FGGY: variants seen among roughly 807,000 people sequenced by gnomAD.
FGGY encodes the protein FGGY carbohydrate kinase domain-containing protein.
In FGGY, 72 loss-of-function variants were observed where a neutral mutation model predicts 71.3. The ratio of observed to expected loss-of-function variants is 1.01; its 90% CI spans 0.84 to 1.23. The LOEUF (loss-of-function observed/expected upper bound fraction) is 1.23. Among genes scored for constraint, FGGY ranks in the 50% most tolerant of loss-of-function variants. The pLI is 0.00. For missense variants in FGGY, 668 were observed against 682.3 expected (o/e 0.98, Z 0.23); for synonymous variants, 251 against 250.3 (o/e 1.00, Z -0.02).
At chr1:59,698,479 C>A (rs936634779) in intron 14 of FGGY, among the ~76,000 whole-genome samples, 10 of 152,048 alleles carry the variant, frequency 6.6e-5, no homozygotes, top group Admixed American at 1.3e-4. Context: ...TTCTATAATG[C>A]TCTGGGAATC....
intron 11 of FGGY, among the ~76,000 whole-genome samples, chr1:59,648,683 C>T (rs1265622434): frequency 3.3e-5 from 5 of 150,512 alleles, no homozygotes; most frequent in Non-Finnish European, 2.9e-5. Flanking sequence ...CGAAAATTTT[C>T]ACCCATTTTG....
At chr1:59,508,004 A>G (rs138406680) in intron 6 of FGGY, among the ~76,000 whole-genome samples, 17 of 152,084 alleles carry the variant, frequency 1.1e-4, no homozygotes, top group African/African-American at 3.6e-4. Flanking sequence ...CCTCAAACAC[A>G]CCATGCCCCT....
At chr1:59,503,102 T>G (rs1015705866) in intron 6 of FGGY, among the ~76,000 whole-genome samples, 2 of 152,206 alleles carry the variant, frequency 1.3e-5, no homozygotes, top group Admixed American at 1.3e-4. Context: ...CCATGTCCCA[T>G]TACATAGTGA....
chr1:59,669,796 C>T (rs2097361119), intron 13 of FGGY, among the ~76,000 whole-genome samples: 1 of 152,120 alleles, frequency 6.6e-6, no homozygotes, highest in African/African-American at 2.4e-5. Flanking sequence ...AAATGGGAAA[C>T]AGGGCCTCCC....
At chr1:59,405,147 A>C (rs1188449671) in intron 5 of FGGY, among the ~76,000 whole-genome samples, 1 of 152,228 alleles carries the variant, frequency 6.6e-6, no homozygotes, top group Non-Finnish European at 1.5e-5. Flanking sequence ...TCTTTATTAC[A>C]TGCCTTAAAC....
intron 14 of FGGY, among the ~76,000 whole-genome samples, chr1:59,731,230 G>A (rs2098024062): frequency 1.3e-5 from 2 of 152,196 alleles, no homozygotes; most frequent in Non-Finnish European, 2.9e-5. Context: ...CTTTGCAAAT[G>A]CCCACAAACC....
rs1271058830 is a variant in FGGY at position 59,409,594 on chromosome 1, TTTTTTATATATA to T, written c.554+30759_554+30770del. ...TTATTGCAAGCCTGTGAAGGAAGAGTTTTTTATATATATATATATATATATATATAAACAGAC... is the reference window on the plus strand; with the variant it reads ...TTATTGCAAGCCTGTGAAGGAAGAGTTATATATATATATATATAAACAGAC... On this transcript the variant is annotated intron_variant, in intron 5 of 15. Coordinates refer to ENST00000303721, the MANE Select transcript of FGGY (RefSeq NM_018291.5). Among the ~76,000 whole-genome samples the T allele has an allele frequency of 2.3e-4, 30 of 132,162 alleles. 2 individuals are homozygous for T. Among genetic ancestry groups the T allele is most frequent in the African/African-American group, 1.0e-3 (30 of 28,848 alleles). The allele number at this position is 132,162 out of a possible 152,430, so 86.7% of individuals were successfully genotyped here. A position where few individuals can be genotyped will look rare whatever the true frequency, so the allele number is the denominator to read the frequency against.
chr1:59,321,754 T>G lies in FGGY; in HGVS notation c.201+4T>G, dbSNP rs1168675642. On this transcript the variant is annotated splice_donor_region_variant and intron_variant, in intron 2 of 15. Coordinates refer to ENST00000303721, the MANE Select transcript of FGGY (RefSeq NM_018291.5). ...TGCGTGCTGTGTTGTCACAAAGGTA[T>G]GGGCAAAACTGGTGTTCTCTCCTTG... The G allele has an allele frequency of 2.5e-6, 4 of 1,607,290 alleles. No homozygotes were observed. Among genetic ancestry groups the G allele is most frequent in the Non-Finnish European group, 3.4e-6 (4 of 1,177,290 alleles).
chr1:59,670,764 T>G (rs1456329252), intron 13 of FGGY, among the ~76,000 whole-genome samples: 3 of 152,162 alleles, frequency 2.0e-5, no homozygotes, highest in Non-Finnish European at 4.4e-5. Flanking sequence ...TTTGCCATGT[T>G]GAGAACAGCC....
intron 8 of FGGY, among the ~76,000 whole-genome samples, chr1:59,561,652 A>G (rs2095795220): frequency 6.6e-6 from 1 of 152,192 alleles, no homozygotes; most frequent in African/African-American, 2.4e-5. Context: ...AAAACTTTGT[A>G]TCATGTAAAT....
chr1:59,457,000 A>T lies in FGGY; in HGVS notation c.594A>T (p.Ala198=). The T allele has an allele frequency of 6.2e-7, 1 of 1,614,142 alleles. No homozygotes were observed. The highest frequency in any genetic ancestry group is 1.3e-5 in the African/African-American group (1 of 75,050). The stretch of plus-strand genomic sequence containing the variant: ...TGGTGTGTAAGTGGACATATTCAGC[A>T]GAGAAAGGCTGGGACGACAGTTTCT... The part of the protein sequence containing the change: ...CSLVCKWTYS[A]EKGWDDSFWK... Residue 198 remains alanine, a synonymous_variant, in exon 6 of 16, where the codon GCA becomes GCT. Coordinates refer to ENST00000303721, the MANE Select transcript of FGGY (RefSeq NM_018291.5).
At chr1:59,658,865 T>C (rs186360512) in intron 11 of FGGY, among the ~76,000 whole-genome samples, 1 of 152,230 alleles carries the variant, frequency 6.6e-6, no homozygotes, top group East Asian at 1.9e-4. Flanking sequence ...AAAAGAGATT[T>C]GGGAGATCAA....
At position 59,626,068 on chromosome 1, in the gene FGGY, C is replaced by A; in HGVS notation, c.1073+19C>A. 3 of 1,608,802 alleles carry A rather than the reference C, an allele frequency of 1.9e-6. No homozygotes were observed. The highest frequency in any genetic ancestry group is 2.7e-5 in the African/African-American group (2 of 74,810). ...CAGCCAGGTAACTGCTGTCTCTGTT[C>A]CCTCTAAAATTTTCCTTGTGTGACT... On this transcript the variant is annotated intron_variant, in intron 10 of 15. Coordinates refer to ENST00000303721, the MANE Select transcript of FGGY (RefSeq NM_018291.5).
chr1:59,687,987 A>T (rs930828315), intron 14 of FGGY, among the ~76,000 whole-genome samples: 3 of 152,226 alleles, frequency 2.0e-5, no homozygotes, highest in Non-Finnish European at 4.4e-5. Context: ...ATGGCTGGTT[A>T]TCATGGAGAG....
At chr1:59,683,714 G>C (rs906518477) in intron 14 of FGGY, among the ~76,000 whole-genome samples, 5 of 152,070 alleles carry the variant, frequency 3.3e-5, no homozygotes, top group Admixed American at 1.3e-4. Flanking sequence ...AACAAGAGAA[G>C]GAAATAAAAT....
chr1:59,721,601 G>C (rs184061864), intron 14 of FGGY, among the ~76,000 whole-genome samples: 1 of 152,008 alleles, frequency 6.6e-6, no homozygotes, highest in East Asian at 1.9e-4. Flanking sequence ...GCTTCCCAAA[G>C]TGCTGGGATT....
chr1:59,673,748 G>T (rs960192735), intron 13 of FGGY: 9 of 332,510 alleles, frequency 2.7e-5, no homozygotes, highest in African/African-American at 4.1e-5. Flanking sequence ...GAATCAAATG[G>T]CAGGTAGCAG....
At chr1:59,543,277 A>G (rs1021479366) in intron 7 of FGGY, among the ~76,000 whole-genome samples, 4 of 152,078 alleles carry the variant, frequency 2.6e-5, no homozygotes, top group African/African-American at 9.7e-5. Context: ...TAATTCTCTG[A>G]GCCCTCTGGC....
intron 12 of FGGY, among the ~76,000 whole-genome samples, chr1:59,666,147 C>T (rs2097323627): frequency 6.6e-6 from 1 of 152,192 alleles, no homozygotes; most frequent in Non-Finnish European, 1.5e-5. Context: ...TCTGTGGAGA[C>T]ACATTGTCCT....
Sources: gnomAD v4.1 joint callset for allele counts (sites outside exome capture counted in the v4.1 genomes callset) on GRCh38, gnomAD v4.1.1 for gene constraint, MANE v1.5 for transcripts, NCBI Gene and HGNC (gene_info 2026-07-23, HGNC 2026-07-21) for gene names.